Variants in DNAH7 observed in about 807,000 individuals in gnomAD.
DNAH7 encodes the protein dynein axonemal heavy chain 7.
DNAH7 carries 397 observed loss-of-function variants against 444.6 expected under a neutral mutation model. That is an observed-to-expected ratio of 0.89 (90% CI 0.82 to 0.97). DNAH7 has a LOEUF of 0.97. Among genes scored for constraint, DNAH7 ranks in the 50% least tolerant of loss-of-function variants. The pLI is 0.00. For missense variants in DNAH7, 4,902 were observed against 4,800.8 expected (o/e 1.02, Z -0.62); for synonymous variants, 1,636 against 1,624.4 (o/e 1.01, Z -0.17).
chr2:195,996,368 TTTCC>T (rs1345441992), intron 12 of DNAH7, among the ~76,000 whole-genome samples: 2 of 152,180 alleles, frequency 1.3e-5, no homozygotes, highest in Non-Finnish European at 2.9e-5. Context: ...TCTCCTTTTC[TTTCC>T]ATTTTAGAGG....
intron 37 of DNAH7, 81 bp from the exon 38 acceptor site, chr2:195,875,924 A>T: frequency 7.6e-7 from 1 of 1,310,168 alleles, no homozygotes; most frequent in Admixed American, 2.6e-5. Context: ...ATTGAGGCAA[A>T]TACTTAGCTA....
At chr2:195,797,300 C>T (rs187275406) in intron 55 of DNAH7, among the ~76,000 whole-genome samples, 128 of 152,312 alleles carry the variant, frequency 8.4e-4, no homozygotes, top group African/African-American at 2.6e-3. Flanking sequence ...GGTCTCCTTT[C>T]TGGGGTAGTT....
At chr2:195,849,048 G>A (rs1699189225) in intron 46 of DNAH7, among the ~76,000 whole-genome samples, 1 of 152,086 alleles carries the variant, frequency 6.6e-6, no homozygotes, top group Non-Finnish European at 1.5e-5. Context: ...CCATGAAAAT[G>A]TCCTGTTTTT....
At position 195,886,243 on chromosome 2, in the gene DNAH7, C is replaced by A. The variant is rs1701704031; in HGVS notation, c.5436G>T (p.Leu1812Phe). The change falls in exon 34 of 65, where the codon TTG becomes TTT. Residue 1812 changes from leucine to phenylalanine, a missense_variant. Physicochemically the swap from Leu to Phe is conservative, Grantham distance 22. Transcript: ENST00000312428. ...KELSPTSDTN[L>F]VRSLMNLIDC... ...CTATTAGATTCATTAAGGACCGGAC[C>A]AAGTTTGTATCGGAAGTAGGAGATA... 6.2e-7 allele frequency: 1 copy of A among 1,611,804 alleles called. No individual in the cohort carries two copies.
chr2:195,920,201 GA>G (rs889671180), intron 24 of DNAH7, among the ~76,000 whole-genome samples: 25 of 150,798 alleles, frequency 1.7e-4, no homozygotes, highest in African/African-American at 4.4e-4. Flanking sequence ...CACAGAACTA[GA>G]AAAAAAAATC....
intron 55 of DNAH7, 149 bp downstream of exon 55, chr2:195,799,147 T>A (rs1696320713): frequency 1.7e-6 from 1 of 597,212 alleles, no homozygotes; most frequent in South Asian, 5.8e-5. Context: ...GCCATTTTAG[T>A]ATCATTTTCT....
At chr2:195,927,527 AT>A (rs1437681117) in intron 21 of DNAH7, among the ~76,000 whole-genome samples, 2 of 150,270 alleles carry the variant, frequency 1.3e-5, no homozygotes, top group Non-Finnish European at 3.0e-5. Context: ...AAATAAATAA[AT>A]TAATTAATTA....
rs1413362094 is a variant in DNAH7, at chr2:195,790,470, A to G, written c.10717-3299T>C. Among the ~76,000 whole-genome samples the G allele has an allele frequency of 2.6e-5, 4 of 151,740 alleles. No homozygotes were observed. The East Asian group carries it at 7.7e-4, about 29-fold the overall frequency. On this transcript the variant is annotated intron_variant, in intron 57 of 64. Transcript: ENST00000312428. ...CAAAACAGCATGGTACTGGTTAAAA[A>G]AAAAAAAAAAAGAAAAACAGACACA... is the stretch of plus-strand genomic sequence containing the variant.
chr2:195,788,775 A>G (rs1234440212), intron 57 of DNAH7, among the ~76,000 whole-genome samples: 3 of 152,350 alleles, frequency 2.0e-5, no homozygotes, highest in African/African-American at 7.2e-5. Flanking sequence ...GAGAAGAGTG[A>G]CTGAAATTGG....
chr2:195,804,047 G>A (rs1437461820), intron 54 of DNAH7, among the ~76,000 whole-genome samples: 1 of 112,214 alleles, frequency 8.9e-6, no homozygotes, highest in East Asian at 2.6e-4. Context: ...TGGTTTTGAG[G>A]GGAGAGGGGG....
At chr2:195,943,276 T>C (rs1219921839) in intron 19 of DNAH7, among the ~76,000 whole-genome samples, 2 of 152,172 alleles carry the variant, frequency 1.3e-5, no homozygotes, top group African/African-American at 4.8e-5. Flanking sequence ...ATCTTCAATA[T>C]AAGCCAATTC....
intron 19 of DNAH7, among the ~76,000 whole-genome samples, chr2:195,947,510 T>C (rs1416660565): frequency 1.3e-5 from 2 of 152,158 alleles, no homozygotes; most frequent in African/African-American, 4.8e-5. Context: ...GTGCTCATTG[T>C]TCTACTCCCA....
intron 16 of DNAH7, among the ~76,000 whole-genome samples, chr2:195,971,808 G>C (rs1691862704): frequency 6.6e-6 from 1 of 152,038 alleles, no homozygotes; most frequent in South Asian, 2.1e-4. Context: ...CTGAATGTTA[G>C]AGTGACGATT....
intron 19 of DNAH7, among the ~76,000 whole-genome samples, chr2:195,938,699 G>A (rs1574828558): frequency 6.6e-6 from 1 of 152,172 alleles, no homozygotes; most frequent in East Asian, 1.9e-4. Context: ...ACAAACCATG[G>A]AAAGAGCATT....
At chr2:195,796,792 A>G (rs1696163122) in intron 55 of DNAH7, 55 bp from the exon 56 acceptor site, 1 of 1,540,806 alleles carries the variant, frequency 6.5e-7, no homozygotes, top group Non-Finnish European at 8.8e-7. Context: ...AGAAACATCA[A>G]TATTGTTTTT....
chr2:195,874,637 C>A (rs984323632), intron 38 of DNAH7, among the ~76,000 whole-genome samples: 1 of 151,428 alleles, frequency 6.6e-6, no homozygotes, highest in Non-Finnish European at 1.5e-5. Flanking sequence ...AATAATATGC[C>A]CCCAAGCCCT....
In DNAH7 at chr2:195,856,106, A is replaced by G. The variant is rs1019524001; in HGVS notation, c.8415-115T>C. ...ATAACTGAAAACACTTCTTTATGCA[A>G]AAATCTAAACCGATTTCCATATTTC... On this transcript the variant is annotated intron_variant, in intron 44 of 64. Transcript: ENST00000312428. The G allele has an allele frequency of 4.1e-5, 38 of 934,620 alleles. No individual in the cohort carries two copies. The South Asian group carries it at 7.9e-4, about 19-fold the overall frequency. 57.9% of individuals were successfully genotyped at this position (934,620 alleles called of 1,614,324 possible). A position where few individuals can be genotyped will look rare whatever the true frequency, so the allele number is the denominator to read the frequency against.
In DNAH7 at chr2:195,936,554, T is replaced by C. The variant is rs747062394; in HGVS notation, c.3272+45A>G. ...TCTACTTTGTTCTAAAAATTAAGTT[T>C]AAGCAGATAAATTTAGTCATGTATT... On this transcript the variant is annotated intron_variant, in intron 20 of 64. Coordinates refer to ENST00000312428, the MANE Select transcript of DNAH7 (RefSeq NM_018897.3). 4 of 1,394,206 alleles carry C rather than the reference T, an allele frequency of 2.9e-6. No homozygotes were observed. The South Asian group carries it at 5.8e-5, about 20-fold the overall frequency. The allele number at this position is 1,394,206 out of a possible 1,614,324, so 86.4% of individuals were successfully genotyped here.
intron 34 of DNAH7, 53 bp downstream of exon 34, chr2:195,886,088 A>G: frequency 6.5e-7 from 1 of 1,544,594 alleles, no homozygotes; most frequent in Non-Finnish European, 8.7e-7. Flanking sequence ...CTTTGGGGAA[A>G]GCAGTAGATA....
Sources: allele counts gnomAD v4.1 joint callset (sites outside exome capture counted in the v4.1 genomes callset), GRCh38; gene constraint gnomAD v4.1.1; transcripts MANE v1.5; gene names NCBI Gene and HGNC (gene_info 2026-07-23, HGNC 2026-07-21).